The following NEDD4 variants were observed in gnomAD, a reference collection of about 807,000 sequenced individuals.
NEDD4 encodes the protein E3 ubiquitin-protein ligase NEDD4.
Under a neutral mutation model 144.9 loss-of-function variants are expected in NEDD4, and 99 were observed. That is an observed-to-expected ratio of 0.68 (90% confidence interval 0.58 to 0.81). The LOEUF (loss-of-function observed/expected upper bound fraction) is 0.81, where lower values mean the gene tolerates loss of function less well. NEDD4 is among the 30% of genes least tolerant of loss of function. NEDD4 has a pLI of 0.00. For synonymous variants in NEDD4, 318 were observed against 350.6 expected, an observed-to-expected ratio of 0.91 and a Z score of 1.04; for missense variants, 985 against 1,065.9, an observed-to-expected ratio of 0.92 and a Z score of 1.06.
At chr15:55,992,855 C>T (rs1294584670) in intron 1 of NEDD4, among the ~76,000 whole-genome samples, 3 of 152,138 alleles carry the variant, frequency 2.0e-5, no homozygotes, top group Non-Finnish European at 4.4e-5. Context: ...AGTATTTATA[C>T]TTTTTTGGCT....
At chr15:55,961,512 C>A (rs776028059) in intron 2 of NEDD4, among the ~76,000 whole-genome samples, 1 of 151,426 alleles carries the variant, frequency 6.6e-6, no homozygotes, top group Non-Finnish European at 1.5e-5. Flanking sequence ...ACTCTGTCAC[C>A]CAGGCTGGAG....
In NEDD4 at chr15:55,905,384, C is replaced by T. The variant is rs767843006; in HGVS notation, c.291+19262G>A. On this transcript the variant is annotated intron_variant, in intron 5 of 28. Coordinates refer to ENST00000435532, the MANE Select transcript of NEDD4 (RefSeq NM_006154.4). ...ATTGGGGGGTTTCCCAACAGTGAAACCCACCAGTTGAAAAGCCCAACATAA... is the reference window on the plus strand; with the variant it reads ...ATTGGGGGGTTTCCCAACAGTGAAATCCACCAGTTGAAAAGCCCAACATAA... 2.0e-4 allele frequency: 83 copies of T among 419,978 alleles called. 2 individuals carry two copies. Among genetic ancestry groups the T allele is most frequent in the South Asian group, 1.3e-3 (77 of 57,488 alleles). 26.0% of individuals were successfully genotyped at this position (419,978 alleles called of 1,614,324 possible). A position where few individuals can be genotyped will look rare whatever the true frequency, so the allele number is the denominator to read the frequency against.
chr15:55,975,319 G>T (rs1239491123), intron 1 of NEDD4, among the ~76,000 whole-genome samples: 2 of 152,088 alleles, frequency 1.3e-5, no homozygotes, highest in Non-Finnish European at 2.9e-5. Context: ...AGAATGATAT[G>T]AACTTATATT....
chr15:55,931,325 C>T (rs553955347), intron 4 of NEDD4, among the ~76,000 whole-genome samples: 1 of 152,126 alleles, frequency 6.6e-6, no homozygotes, highest in Non-Finnish European at 1.5e-5. Flanking sequence ...AAGTGGGTAG[C>T]AGGAATAGGA....
At chr15:55,916,701 G>A (rs1267139663) in intron 5 of NEDD4, 36 of 1,614,054 alleles carry the variant, frequency 2.2e-5, no homozygotes, top group Non-Finnish European at 3.0e-5. Flanking sequence ...AACAACGTTA[G>A]ACGTTGAAAT....
intron 12 of NEDD4, among the ~76,000 whole-genome samples, chr15:55,853,205 C>T (rs898391834): frequency 3.3e-5 from 5 of 151,540 alleles, no homozygotes. Context: ...TGAAATAAAC[C>T]ACATTTTAAA....
At chr15:55,889,437 A>G (rs1447594511) in intron 5 of NEDD4, among the ~76,000 whole-genome samples, 1 of 152,186 alleles carries the variant, frequency 6.6e-6, no homozygotes, top group Non-Finnish European at 1.5e-5. Context: ...GATAAAACTG[A>G]AGGTCATTAT....
chr15:55,876,053 G>T (rs2034981467), intron 5 of NEDD4, among the ~76,000 whole-genome samples: 1 of 152,104 alleles, frequency 6.6e-6, no homozygotes, highest in Non-Finnish European at 1.5e-5. Context: ...TACAAATAAT[G>T]GTTGACTTCT....
In NEDD4 at chr15:55,848,360, A is replaced by C. The variant is rs1258324031; in HGVS notation, c.1542+12T>G. The C allele has an allele frequency of 6.2e-7, 1 of 1,613,558 alleles. No homozygotes were observed. The highest frequency in any genetic ancestry group is 1.3e-5 in the African/African-American group (1 of 75,054). ...GACAGTCCCATCAGAGCACACTGGC[A>C]GAGAGACTTACTGGTCCAGTTATTG... On this transcript the variant is annotated intron_variant, in intron 17 of 28. Transcript: ENST00000435532.
intron 18 of NEDD4, among the ~76,000 whole-genome samples, chr15:55,842,998 G>C (rs1348031414): frequency 6.6e-6 from 1 of 152,172 alleles, no homozygotes; most frequent in Admixed American, 6.5e-5. Context: ...GGAGGTGATT[G>C]AATTATGGGG....
At chr15:55,976,898 G>A (rs1156306698) in intron 1 of NEDD4, among the ~76,000 whole-genome samples, 1 of 152,088 alleles carries the variant, frequency 6.6e-6, no homozygotes, top group East Asian at 1.9e-4. Context: ...CTCCCGAAGT[G>A]CTGGGATTAC....
intron 4 of NEDD4, among the ~76,000 whole-genome samples, chr15:55,932,846 T>A (rs1478207885): frequency 6.6e-6 from 1 of 151,840 alleles, no homozygotes; most frequent in African/African-American, 2.4e-5. Context: ...AACAACTCCA[T>A]CAAAAAGTGG....
intron 14 of NEDD4, among the ~76,000 whole-genome samples, chr15:55,849,417 G>A (rs1212861411): frequency 6.6e-6 from 1 of 152,030 alleles, no homozygotes; most frequent in Non-Finnish European, 1.5e-5. Flanking sequence ...TAGAGACGGG[G>A]TTTCTCCATG....
At chr15:55,835,439 T>TTTTTTTTTTTTTTTTTTTTC (rs1555392050) in intron 24 of NEDD4, among the ~76,000 whole-genome samples, 1 of 142,858 alleles carries the variant, frequency 7.0e-6, no homozygotes, top group Non-Finnish European at 1.5e-5. Context: ...TTTTTTTTTT[T>TTTTTTTTTTTTTTTTTTTTC]CCCATGCCCT....
intron 4 of NEDD4, among the ~76,000 whole-genome samples, chr15:55,928,869 T>A (rs112897799): frequency 4.9e-4 from 74 of 152,338 alleles, no homozygotes; most frequent in Non-Finnish European, 3.4e-4. Flanking sequence ...AAGCATATAA[T>A]AAATGCAAAA....
chr15:55,951,245 T>G, intron 4 of NEDD4, 131 bp downstream of exon 4: 1 of 482,704 alleles, frequency 2.1e-6, no homozygotes, highest in Non-Finnish European at 3.6e-6. Context: ...TTTCAATTCC[T>G]TTTGTATTTT....
At chr15:55,920,351 G>A (rs1409658372) in intron 5 of NEDD4, among the ~76,000 whole-genome samples, 1 of 152,008 alleles carries the variant, frequency 6.6e-6, no homozygotes, top group African/African-American at 2.4e-5. Flanking sequence ...CAGAATATAG[G>A]TGGCTCCTAA....
rs1315196990 is a variant in NEDD4, at chr15:55,993,603, A to C, written c.-48T>G. The C allele has an allele frequency of 1.3e-6, 2 of 1,581,962 alleles. No homozygotes were observed. Among genetic ancestry groups the C allele is most frequent in the Non-Finnish European group, 1.7e-6 (2 of 1,167,640 alleles). ...GGACGCGCTCGCCCCCGCCCAGGGC[A>C]GGCAACTGTGGAGGAGGAGGAGGAG... On this transcript the variant is annotated 5_prime_UTR_variant, in exon 1 of 29. Transcript: ENST00000435532.
In NEDD4 at chr15:55,850,601, G is replaced by A. The variant is rs775968460; in HGVS notation, c.1288C>T (p.Arg430Trp). 2.6e-5 allele frequency: 42 copies of A among 1,613,990 alleles called. No homozygotes were observed. In the Admixed American group the frequency reaches 3.0e-4, roughly 12 times the overall value. ...QGFLPKGWEV[R>W]HAPNGRPFFI... ...AAAGGCCTCCCATTTGGTGCATGCC[G>A]GACTTCCCAGCCTTTAGGAAGGAAT... Residue 430 changes from arginine to tryptophan, a missense_variant, in exon 14 of 29, where the codon CGG (arginine) becomes TGG (tryptophan). Arg to Trp is a moderately radical substitution (Grantham distance 101). Transcript: ENST00000435532.
Sources: gnomAD v4.1 joint callset for allele counts (sites outside exome capture counted in the v4.1 genomes callset) on GRCh38, gnomAD v4.1.1 for gene constraint, MANE v1.5 for transcripts, NCBI Gene and HGNC (gene_info 2026-07-23, HGNC 2026-07-21) for gene names.